Variants in PEAK1 observed in about 807,000 individuals in gnomAD.
The protein encoded by PEAK1 is pseudopodium enriched atypical kinase 1, also known as inactive tyrosine-protein kinase PEAK1.
PEAK1 carries 54 observed loss-of-function variants against 124.7 expected under a neutral mutation model. The ratio of observed to expected loss-of-function variants is 0.43; its 90% CI spans 0.35 to 0.54. The LOEUF (loss-of-function observed/expected upper bound fraction) is 0.54. Ranked by LOEUF, PEAK1 falls within the 20% of genes least tolerant of loss-of-function variation. The pLI, the probability that PEAK1 is intolerant of heterozygous loss-of-function variation, is 0.01. For synonymous variants in PEAK1, 719 were observed against 760.0 expected (o/e 0.95, Z 0.89); for missense variants, 2,046 against 2,134.5 (o/e 0.96, Z 0.82).
chr15:77,328,872 T>C (rs1455335511), intron 2 of PEAK1, among the ~76,000 whole-genome samples: 1 of 152,090 alleles, frequency 6.6e-6, no homozygotes, highest in Non-Finnish European at 1.5e-5. Flanking sequence ...AAAACTAAAC[T>C]GAAAATCTAC....
downstream of PEAK1, chr15:77,105,692 T>C (rs563187994): frequency 6.6e-6 from 1 of 152,110 alleles, no homozygotes; most frequent in East Asian, 1.9e-4. Flanking sequence ...AGGCAAAGAG[T>C]TCCTGGAGCA....
At position 77,113,857 on chromosome 15, in the gene PEAK1, T is replaced by C. The variant is rs952851960; in HGVS notation, c.*299A>G. 21 of 375,436 alleles carry C rather than the reference T, an allele frequency of 5.6e-5. No homozygotes were observed. In the Admixed American group the frequency reaches 7.1e-4, roughly 13 times the overall value. 23.3% of individuals were successfully genotyped at this position (375,436 alleles called of 1,614,324 possible). A position where few individuals can be genotyped will look rare whatever the true frequency, so the allele number is the denominator to read the frequency against. ...GAGTTCATACCAAAGAAGCTGTCCC[T>C]TCAAGAATATGGATTTTCATTTTTA... On this transcript the variant is annotated 3_prime_UTR_variant, in exon 10 of 10. Coordinates refer to ENST00000682557, the MANE Select transcript of PEAK1 (RefSeq NM_001385026.1).
chr15:77,157,770 T>A (rs2055285700), intron 8 of PEAK1: 1 of 152,198 alleles, frequency 6.6e-6, no homozygotes, highest in Non-Finnish European at 1.5e-5. Context: ...CCTCCCACTA[T>A]CTTAGTTGAG....
intron 2 of PEAK1, among the ~76,000 whole-genome samples, chr15:77,295,434 T>C (rs1442509404): frequency 1.3e-5 from 2 of 152,208 alleles, no homozygotes. Flanking sequence ...ACGGATGCTT[T>C]GAAGAACATG....
chr15:77,339,796 C>T lies in PEAK1; in HGVS notation c.-603+25367G>A, dbSNP rs542726906. On this transcript the variant is annotated intron_variant, in intron 2 of 9. Transcript: ENST00000682557. ...TAAAATATACATAGAACTCAAACTCCACATTAAGAAAACAATCTGATTAAA... is the reference window on the plus strand; with the variant it reads ...TAAAATATACATAGAACTCAAACTCTACATTAAGAAAACAATCTGATTAAA... Among the ~76,000 whole-genome samples, 17 of 152,250 alleles carry T rather than the reference C, an allele frequency of 1.1e-4. No individual in the cohort carries two copies. In the South Asian group the frequency reaches 1.9e-3, roughly 17 times the overall value.
In PEAK1 at chr15:77,181,105, G is replaced by A; in HGVS notation, c.822C>T (p.Asn274=). Residue 274 remains asparagine, a synonymous_variant, in exon 7 of 10, where the codon AAC becomes AAT. Coordinates refer to ENST00000682557, the MANE Select transcript of PEAK1 (RefSeq NM_001385026.1). Reference sequence around the variant, plus strand: ...CAGGAGACAATGTGTTTGCTCTGAAGTTGGCAAAGCGAGGTTGCCCTCTCA... The same window carrying A: ...CAGGAGACAATGTGTTTGCTCTGAAATTGGCAAAGCGAGGTTGCCCTCTCA... The part of the protein sequence containing the change: ...IRMRGQPRFA[N]FRANTLSPVR... 4 of 1,614,200 alleles carry A rather than the reference G, an allele frequency of 2.5e-6. No homozygotes were observed. Among genetic ancestry groups the A allele is most frequent in the Non-Finnish European group, 3.4e-6 (4 of 1,180,024 alleles).
At chr15:77,134,612 T>C (rs753628631) in intron 8 of PEAK1, among the ~76,000 whole-genome samples, 1 of 152,232 alleles carries the variant, frequency 6.6e-6, no homozygotes, top group Non-Finnish European at 1.5e-5. Flanking sequence ...ACATGTGTGT[T>C]TGAATATACC....
In PEAK1 at chr15:77,179,180, C is replaced by T. The variant is rs749209617; in HGVS notation, c.2747G>A (p.Arg916Gln). ...ESVLHSEGSR[R>Q]AADAKPKRWI... ...GCGCTTAGGTTTTGCATCAGCTGCCCGCCTGCTGCCTTCAGAGTGCAAAAC... is the reference window on the plus strand; with the variant it reads ...GCGCTTAGGTTTTGCATCAGCTGCCTGCCTGCTGCCTTCAGAGTGCAAAAC... The change falls in exon 7 of 10, where the codon CGG becomes CAG. Residue 916 changes from arginine (R) to glutamine (Q), a missense_variant. Coordinates refer to ENST00000682557, the MANE Select transcript of PEAK1 (RefSeq NM_001385026.1). 1.4e-5 allele frequency: 22 copies of T among 1,614,128 alleles called. No homozygotes were observed. The highest frequency in any genetic ancestry group is 6.7e-5 in the East Asian group (3 of 44,882).
In PEAK1 at chr15:77,179,415, G is replaced by A. The variant is rs769886657; in HGVS notation, c.2512C>T (p.Pro838Ser). 1.2e-6 allele frequency: 2 copies of A among 1,614,110 alleles called. No individual in the cohort carries two copies. The highest frequency in any genetic ancestry group is 1.7e-6 in the Non-Finnish European group (2 of 1,180,010). The change falls in exon 7 of 10, where the codon CCT (proline) becomes TCT (serine). Residue 838 changes from proline to serine, a missense_variant. By Grantham distance (74) the Pro-to-Ser change is moderately conservative (BLOSUM62 -1). Coordinates refer to ENST00000682557, the MANE Select transcript of PEAK1 (RefSeq NM_001385026.1). The stretch of plus-strand genomic sequence containing the variant: ...GGGTCTTTCTGTACTTTGGTGGTAG[G>A]ACTGTCTGTGGTCTGAGGTGCTTCA... Reference protein sequence around the residue: ...EAEAPQTTDSPTTKVQKDPSI... With the variant: ...EAEAPQTTDSSTTKVQKDPSI...
chr15:77,293,087 C>T (rs556087399), intron 2 of PEAK1, among the ~76,000 whole-genome samples: 1 of 152,312 alleles, frequency 6.6e-6, no homozygotes, highest in South Asian at 2.1e-4. Flanking sequence ...CTCCCTTCTC[C>T]ACATCCTCGC....
At chr15:77,326,114 C>G (rs2065561421) in intron 2 of PEAK1, among the ~76,000 whole-genome samples, 1 of 152,116 alleles carries the variant, frequency 6.6e-6, no homozygotes, top group Non-Finnish European at 1.5e-5. Context: ...GCAGTTAAGT[C>G]TCCCCATTTG....
intron 2 of PEAK1, among the ~76,000 whole-genome samples, chr15:77,301,719 T>C (rs2063796883): frequency 6.6e-6 from 1 of 152,200 alleles, no homozygotes; most frequent in South Asian, 2.1e-4. Flanking sequence ...ATTGTAATGT[T>C]ACCCTTTCTG....
At chr15:77,257,487 G>T (rs1167565578) in intron 5 of PEAK1, among the ~76,000 whole-genome samples, 1 of 150,814 alleles carries the variant, frequency 6.6e-6, no homozygotes, top group African/African-American at 2.4e-5. Flanking sequence ...GTGATGATGA[G>T]CATTTTTTCA....
At chr15:77,261,154 A>G (rs189095928) in intron 5 of PEAK1, among the ~76,000 whole-genome samples, 6 of 152,294 alleles carry the variant, frequency 3.9e-5, no homozygotes, top group African/African-American at 1.4e-4. Context: ...AAGGTAGATA[A>G]AACCACAAAG....
chr15:77,251,214 A>G (rs2060866225), intron 6 of PEAK1, among the ~76,000 whole-genome samples: 1 of 152,220 alleles, frequency 6.6e-6, no homozygotes, highest in South Asian at 2.1e-4. Flanking sequence ...TTTACAAAAC[A>G]TGCATTGAAA....
rs148593432 is a variant in PEAK1, at chr15:77,235,655, T to C, written c.-115+16712A>G. 2.1e-4 allele frequency among the ~76,000 whole-genome samples: 32 copies of C among 152,326 alleles called. 2 individuals are homozygous for C. In the East Asian group the frequency reaches 3.3e-3, roughly 16 times the overall value. On this transcript the variant is annotated intron_variant, in intron 6 of 9. Coordinates refer to ENST00000682557, the MANE Select transcript of PEAK1 (RefSeq NM_001385026.1). ...TTCAAGCCAGCTGCAGAAATTTGCATAAGTAATGGGCAGCTGAATGTTAAT... is the reference window on the plus strand; with the variant it reads ...TTCAAGCCAGCTGCAGAAATTTGCACAAGTAATGGGCAGCTGAATGTTAAT...
rs112648842 is a variant in PEAK1, at chr15:77,377,879, T to C, written c.-665-12654A>G. 3.2e-4 allele frequency among the ~76,000 whole-genome samples: 49 copies of C among 152,246 alleles called. 2 individuals carry two copies. Among genetic ancestry groups the C allele is most frequent in the African/African-American group, 1.1e-3 (46 of 41,544 alleles). On this transcript the variant is annotated intron_variant, in intron 1 of 9. Transcript: ENST00000682557. ...AGTGCCTGGAATAACTTCCTGAATC[T>C]CATCTACTGTATCACCTGCTGATTC...
chr15:77,240,663 TA>T (rs2060315566), intron 6 of PEAK1, among the ~76,000 whole-genome samples: 1 of 152,118 alleles, frequency 6.6e-6, no homozygotes, highest in African/African-American at 2.4e-5. Flanking sequence ...GCCTCAGTTT[TA>T]AAAACTTTAT....
At chr15:77,223,527 G>A (rs1353170097) in intron 6 of PEAK1, among the ~76,000 whole-genome samples, 2 of 152,032 alleles carry the variant, frequency 1.3e-5, no homozygotes, top group Non-Finnish European at 2.9e-5. Context: ...ATTTGTGTGT[G>A]TGTCGACAGT....
Sources: allele counts gnomAD v4.1 joint callset (sites outside exome capture counted in the v4.1 genomes callset), GRCh38; gene constraint gnomAD v4.1.1; transcripts MANE v1.5; gene names NCBI Gene and HGNC (gene_info 2026-07-23, HGNC 2026-07-21).